The following SGCZ variants were observed in gnomAD, a reference collection of about 807,000 sequenced individuals.
SGCZ encodes the protein zeta-sarcoglycan.
A neutral mutation model predicts 41.3 loss-of-function variants in SGCZ; 40 were observed. The observed-to-expected ratio is 0.97, with a 90% CI of 0.75 to 1.26. The LOEUF (loss-of-function observed/expected upper bound fraction) is 1.26, where lower values mean the gene tolerates loss of function less well. Ranked by LOEUF, SGCZ falls within the 50% of genes most tolerant of loss-of-function variation. The pLI is 0.00. For missense variants in SGCZ, 552 were observed against 369.8 expected, an observed-to-expected ratio of 1.49 and a Z score of -4.04; for synonymous variants, 206 against 137.5, an observed-to-expected ratio of 1.50 and a Z score of -3.49.
At chr8:14,944,870 G>GT (rs1800389681) in intron 1 of SGCZ, among the ~76,000 whole-genome samples, 1 of 152,100 alleles carries the variant, frequency 6.6e-6, no homozygotes, top group Non-Finnish European at 1.5e-5. Flanking sequence ...TCAAACCATT[G>GT]TAAGTTGACA....
chr8:14,136,620 G>C (rs563026310), intron 5 of SGCZ, among the ~76,000 whole-genome samples: 2 of 152,256 alleles, frequency 1.3e-5, no homozygotes, highest in African/African-American at 4.8e-5. Context: ...CATTGCTGAG[G>C]CTTGACTAGG....
intron 4 of SGCZ, among the ~76,000 whole-genome samples, chr8:14,201,383 CT>C (rs1227805782): frequency 1.3e-4 from 20 of 152,184 alleles, no homozygotes; most frequent in African/African-American, 4.8e-4. Context: ...TCTAAATGTC[CT>C]TTAACTTTCA....
At chr8:14,623,127 C>A (rs1016642269) in intron 1 of SGCZ, among the ~76,000 whole-genome samples, 1 of 152,034 alleles carries the variant, frequency 6.6e-6, no homozygotes, top group Non-Finnish European at 1.5e-5. Flanking sequence ...CAGTGTATTA[C>A]CATGAAGTAT....
chr8:14,090,339 CATTCGAAGAAGCTCTGG>C lies in SGCZ; in HGVS notation c.*87_*103del. On this transcript the variant is annotated 3_prime_UTR_variant, in exon 8 of 8. Transcript: ENST00000382080. ...TCACACTGGAAGTTGCTCTGTGGAC[CATTCGAAGAAGCTCTGG>C]ACTGATCACAAGGGAAACCGAGCAG... 8.1e-7 allele frequency: 1 copy of C among 1,234,758 alleles called. No homozygotes were observed. Among genetic ancestry groups the C allele is most frequent in the Non-Finnish European group, 1.1e-6 (1 of 902,344 alleles). The allele number at this position is 1,234,758 out of a possible 1,614,324, so 76.5% of individuals were successfully genotyped here. A position where few individuals can be genotyped will look rare whatever the true frequency, so the allele number is the denominator to read the frequency against.
At chr8:14,718,655 A>G (rs538564628) in intron 1 of SGCZ, among the ~76,000 whole-genome samples, 326 of 4,228 alleles carry the variant, frequency 0.077, 1 homozygote, top group African/African-American at 0.12. Flanking sequence ...GGAGTATGCT[A>G]TAATAAAAAA....
At chr8:14,139,521 CACAGTAAT>C (rs1272677130) in intron 5 of SGCZ, among the ~76,000 whole-genome samples, 33 of 152,130 alleles carry the variant, frequency 2.2e-4, no homozygotes, top group Non-Finnish European at 4.4e-4. Context: ...CCACTGATCG[CACAGTAAT>C]ACAAACTACC....
chr8:14,123,309 T>C (rs1802756628), intron 5 of SGCZ, among the ~76,000 whole-genome samples: 1 of 152,140 alleles, frequency 6.6e-6, no homozygotes, highest in African/African-American at 2.4e-5. Context: ...CATTTGGTTT[T>C]ACAGTTGTAA....
chr8:14,646,768 T>C (rs548557318), intron 1 of SGCZ, among the ~76,000 whole-genome samples: 1 of 151,964 alleles, frequency 6.6e-6, no homozygotes, highest in South Asian at 2.1e-4. Flanking sequence ...TGTTCAATTG[T>C]CCATTTTTTT....
In SGCZ at chr8:14,716,162, C is replaced by T. The variant is rs76613445; in HGVS notation, c.40-161236G>A. ...AGAGAAAAGAATGACATAATTGAGCCGAGTATCCAAATTTAGAACTTAATA... is the reference window on the plus strand; with the variant it reads ...AGAGAAAAGAATGACATAATTGAGCTGAGTATCCAAATTTAGAACTTAATA... On this transcript the variant is annotated intron_variant, in intron 1 of 7. Coordinates refer to ENST00000382080, the MANE Select transcript of SGCZ (RefSeq NM_139167.4). 5.1e-3 allele frequency among the ~76,000 whole-genome samples: 780 copies of T among 151,594 alleles called. 3 individuals are homozygous for T. Among genetic ancestry groups the T allele is most frequent in the Non-Finnish European group, 9.4e-3 (641 of 67,882 alleles).
intron 1 of SGCZ, among the ~76,000 whole-genome samples, chr8:14,744,442 G>T (rs1364898202): frequency 6.6e-6 from 1 of 152,058 alleles, no homozygotes; most frequent in East Asian, 1.9e-4. Flanking sequence ...TGCCTTGGTG[G>T]ATGTCATTTG....
At chr8:14,503,736 C>G (rs976543788) in intron 2 of SGCZ, among the ~76,000 whole-genome samples, 1 of 152,052 alleles carries the variant, frequency 6.6e-6, no homozygotes, top group African/African-American at 2.4e-5. Flanking sequence ...CCACTGCACT[C>G]CAGCCTGGTG....
intron 1 of SGCZ, among the ~76,000 whole-genome samples, chr8:14,757,772 G>T (rs56841247): frequency 0.06 from 9,194 of 152,122 alleles, 627 homozygotes; most frequent in African/African-American, 0.16. Context: ...TCCCAACAAG[G>T]GATGACAGAT....
At chr8:14,277,910 A>G (rs1272024035) in intron 3 of SGCZ, among the ~76,000 whole-genome samples, 2 of 152,174 alleles carry the variant, frequency 1.3e-5, no homozygotes, top group African/African-American at 4.8e-5. Context: ...AGAAAAAGAA[A>G]AAAGAAAAAG....
At chr8:14,850,488 C>T (rs1178893074) in intron 1 of SGCZ, among the ~76,000 whole-genome samples, 3 of 152,058 alleles carry the variant, frequency 2.0e-5, no homozygotes, top group African/African-American at 4.8e-5. Context: ...TGTGAGAAGG[C>T]TTCATGGAAT....
intron 1 of SGCZ, among the ~76,000 whole-genome samples, chr8:14,745,937 T>C (rs2130298159): frequency 6.6e-6 from 1 of 152,242 alleles, no homozygotes; most frequent in African/African-American, 2.4e-5. Flanking sequence ...TGCTTACATT[T>C]TAAATTTTAT....
At chr8:14,499,848 A>T (rs923300146) in intron 2 of SGCZ, among the ~76,000 whole-genome samples, 1 of 152,006 alleles carries the variant, frequency 6.6e-6, no homozygotes, top group Non-Finnish European at 1.5e-5. Context: ...CCTCAAGAAC[A>T]GCTCTCTTCA....
intron 1 of SGCZ, among the ~76,000 whole-genome samples, chr8:14,847,126 A>AAGAAGGAAGAAGAAGAAGAAG (rs761276429): frequency 1.6e-5 from 2 of 126,362 alleles, no homozygotes; most frequent in East Asian, 4.9e-4. Context: ...GAAGAAGAAG[A>AAGAAGGAAGAAGAAGAAGAAG]AAGAAGAAGA....
intron 1 of SGCZ, among the ~76,000 whole-genome samples, chr8:15,150,118 G>C (rs1219585681): frequency 6.6e-6 from 1 of 152,092 alleles, no homozygotes; most frequent in Non-Finnish European, 1.5e-5. Flanking sequence ...GGATTTTTGA[G>C]CGATTTTCAT....
chr8:14,147,879 C>G (rs1373136070), intron 5 of SGCZ, among the ~76,000 whole-genome samples: 1 of 151,876 alleles, frequency 6.6e-6, no homozygotes, highest in African/African-American at 2.4e-5. Flanking sequence ...CACAATAAAA[C>G]TAGAAATTAA....
Sources: gnomAD v4.1 joint callset for allele counts (sites outside exome capture counted in the v4.1 genomes callset) on GRCh38, gnomAD v4.1.1 for gene constraint, MANE v1.5 for transcripts, NCBI Gene and HGNC (gene_info 2026-07-23, HGNC 2026-07-21) for gene names.